Variants in WNK2 observed in about 807,000 individuals in gnomAD.
WNK2 encodes the protein WNK lysine deficient protein kinase 2, also known as serine/threonine-protein kinase WNK2.
In WNK2, 67 loss-of-function variants were observed where a neutral mutation model predicts 192.1. The observed-to-expected ratio is 0.35, with a 90% confidence interval of 0.29 to 0.43. WNK2 has a LOEUF of 0.43. Ranked by LOEUF, WNK2 falls within the 20% of genes least tolerant of loss-of-function variation. The pLI is 1.00. For synonymous variants in WNK2, 1,439 were observed against 1,393.9 expected (o/e 1.03, Z -0.72); for missense variants, 2,698 against 3,089.7 (o/e 0.87, Z 3.01).
rs1287848191 is a variant in WNK2 at position 93,257,368 on chromosome 9, G to A, written c.2382+229G>A. 6.6e-6 allele frequency among the ~76,000 whole-genome samples: 1 copy of A among 152,102 alleles called. No homozygotes were observed. Among genetic ancestry groups the A allele is most frequent in the Non-Finnish European group, 1.5e-5 (1 of 68,004 alleles). ...CACACAACCAGCCACTTGTCCCTTG[G>A]TGGCTGGCTTGGCTGCTGTCTCCTG... On this transcript the variant is annotated intron_variant, in intron 11 of 29. Coordinates refer to ENST00000427277, the MANE Select transcript of WNK2 (RefSeq NM_006648.4). The surrounding 1 kb of genome is among the most constrained non-coding windows in gnomAD (Gnocchi z 4.7).
rs1849550804 is a variant in WNK2, at chr9:93,292,687, C to T, written c.5222C>T (p.Pro1741Leu). The T allele has an allele frequency of 6.4e-7, 1 of 1,572,600 alleles. No homozygotes were observed. Among genetic ancestry groups the T allele is most frequent in the Non-Finnish European group, 8.6e-7 (1 of 1,160,568 alleles). The change falls in exon 23 of 30, where the codon CCA (proline) becomes CTA (leucine). Residue 1741 changes from proline (P) to leucine (L), a missense_variant. Physicochemically the swap from Pro to Leu is moderately conservative, Grantham distance 98 (BLOSUM62 -3). Transcript: ENST00000427277. ...CCAGAGCAGCAGGATGTCAGCTCAC[C>T]AGCCAAGACTGTGGGCCGTTTCTCG... ...KRPEQQDVSS[P>L]AKTVGRFSVV...
rs142051806 is a variant in WNK2 at position 93,262,004 on chromosome 9, A to C, written c.3257A>C (p.Gln1086Pro). 3.7e-6 allele frequency: 6 copies of C among 1,611,662 alleles called. No homozygotes were observed. In the African/African-American group the frequency reaches 5.3e-5, roughly 14 times the overall value. ...GCCTCTGTGCAGAGTGTGCCCACCC[A>C]GACTGCCACACTTCTGCCACCAGCA... is the stretch of plus-strand genomic sequence containing the variant. ...VSASVQSVPT[Q>P]TATLLPPANP... is the part of the protein sequence containing the mutation. Residue 1086 changes from glutamine to proline, a missense_variant, in exon 13 of 30, where the codon CAG (glutamine) becomes CCG (proline). By Grantham distance (76) the Gln-to-Pro change is moderately conservative (BLOSUM62 -1). Transcript: ENST00000427277.
intron 12 of WNK2, among the ~76,000 whole-genome samples, chr9:93,260,801 C>G (rs902808771): frequency 6.6e-6 from 1 of 152,204 alleles, no homozygotes; most frequent in African/African-American, 2.4e-5. Flanking sequence ...CAGGTTTCAG[C>G]GGCAGCTCAG....
At chr9:93,278,857 A>G (rs1300152244) in intron 19 of WNK2, among the ~76,000 whole-genome samples, 1 of 152,242 alleles carries the variant, frequency 6.6e-6, no homozygotes, top group Non-Finnish European at 1.5e-5. Flanking sequence ...CACCATATTG[A>G]TCAACTAGAA....
intron 2 of WNK2, among the ~76,000 whole-genome samples, chr9:93,205,643 C>T (rs1329550963): frequency 2.6e-5 from 4 of 152,346 alleles, no homozygotes; most frequent in Non-Finnish European, 5.9e-5. Context: ...AGCCTCATCC[C>T]GTGGGGAGGT....
At chr9:93,280,537 A>G (rs937871585) in intron 19 of WNK2, among the ~76,000 whole-genome samples, 9 of 152,212 alleles carry the variant, frequency 5.9e-5, no homozygotes, top group Admixed American at 4.6e-4. Flanking sequence ...ACAGATGCCT[A>G]TACACTGCAA....
intron 26 of WNK2, 180 bp downstream of exon 26, chr9:93,300,329 A>G (rs1851375215): frequency 1.8e-6 from 1 of 544,858 alleles, no homozygotes; most frequent in African/African-American, 1.9e-5. Context: ...GGCGGCCGCC[A>G]GCGCCTACCC....
Position 93,292,359 on chromosome 9 carries a change from T to C in WNK2, c.4988T>C (p.Val1663Ala), listed in dbSNP as rs1849492364. Residue 1663 changes from valine to alanine, a missense_variant, in exon 22 of 30, where the codon GTG becomes GCG. By Grantham distance (64) the Val-to-Ala change is moderately conservative (BLOSUM62 0). Coordinates refer to ENST00000427277, the MANE Select transcript of WNK2 (RefSeq NM_006648.4). The stretch of plus-strand genomic sequence containing the variant: ...GGCTATGACAGAGATGGAAGGCAGG[T>C]GGCCTCAGACTCCCATGTGGTCCCC... ...MLGYDRDGRQVASDSHVVPSV... is the reference protein window; with the variant it reads ...MLGYDRDGRQAASDSHVVPSV... 4 of 1,613,920 alleles carry C rather than the reference T, an allele frequency of 2.5e-6. No homozygotes were observed. The highest frequency in any genetic ancestry group is 3.4e-6 in the Non-Finnish European group (4 of 1,179,888).
Position 93,293,076 on chromosome 9 carries a change from ACCT to A in WNK2, c.5615_5617del (p.Ser1872del), listed in dbSNP as rs1306178242. ...CATGAAGGTCCCCACGATCAGCGTGACCTCCTTCCATTCCCAGTCGTCCTACAT... is the reference window on the plus strand; with the variant it reads ...CATGAAGGTCCCCACGATCAGCGTGACCTTCCATTCCCAGTCGTCCTACAT... On this transcript the variant is annotated inframe_deletion, in exon 23 of 30. Coordinates refer to ENST00000427277, the MANE Select transcript of WNK2 (RefSeq NM_006648.4). 4.4e-6 allele frequency: 7 copies of A among 1,609,036 alleles called. No individual in the cohort carries two copies. The East Asian group carries it at 1.3e-4, about 31-fold the overall frequency.
At chr9:93,227,959 A>G (rs1838100437) in intron 2 of WNK2, among the ~76,000 whole-genome samples, 2 of 152,230 alleles carry the variant, frequency 1.3e-5, no homozygotes, top group Non-Finnish European at 1.5e-5. Flanking sequence ...GATAATTTGC[A>G]AGAGCTCTTT....
At chr9:93,305,281 C>T (rs999772078) in intron 26 of WNK2, among the ~76,000 whole-genome samples, 6 of 152,120 alleles carry the variant, frequency 3.9e-5, no homozygotes, top group East Asian at 1.9e-4. Flanking sequence ...CCCAGTGCCC[C>T]TACATATTGG....
Position 93,185,136 on chromosome 9 carries a change from G to GC in WNK2, c.211dup (p.Leu71ProfsTer86). The GC allele has an allele frequency of 7.7e-7, 1 of 1,303,940 alleles. No homozygotes were observed. Among genetic ancestry groups the GC allele is most frequent in the Non-Finnish European group, 9.8e-7 (1 of 1,020,028 alleles). 80.8% of individuals were successfully genotyped at this position (1,303,940 alleles called of 1,614,324 possible). ...AGGCGCCGGGCCCGCAGCCCCCGCA[G>GC]CCCCTGCAGCGCCGGGTGCTTCTGC... On this transcript the variant is annotated frameshift_variant, in exon 2 of 30. Transcript: ENST00000427277. LOFTEE classifies it high-confidence loss of function.
Position 93,257,865 on chromosome 9 carries a change from G to A in WNK2, c.2382+726G>A, listed in dbSNP as rs562888113. Among the ~76,000 whole-genome samples the A allele has an allele frequency of 5.3e-5, 8 of 152,322 alleles. No individual in the cohort carries two copies. Among genetic ancestry groups the A allele is most frequent in the Non-Finnish European group, 7.4e-5 (5 of 68,024 alleles). ...CATGTAACTGGTGCAGAATGTAGCC[G>A]GGGCCAGGGCACCATTGCCCAGGTA... On this transcript the variant is annotated intron_variant, in intron 11 of 29. Coordinates refer to ENST00000427277, the MANE Select transcript of WNK2 (RefSeq NM_006648.4). The surrounding 1 kb of genome is among the most constrained non-coding windows in gnomAD (Gnocchi z 4.7).
intron 28 of WNK2, among the ~76,000 whole-genome samples, chr9:93,311,609 T>TGTGTGTGTGTG (rs1554755193): frequency 9.8e-5 from 3 of 30,712 alleles, no homozygotes; most frequent in African/African-American, 1.6e-4. Flanking sequence ...CTGGGTTTTT[T>TGTGTGTGTGTG]TGTTTGTGTG....
intron 2 of WNK2, among the ~76,000 whole-genome samples, chr9:93,223,041 C>T (rs539859888): frequency 6.6e-6 from 1 of 152,176 alleles, no homozygotes; most frequent in African/African-American, 2.4e-5. Flanking sequence ...CCTGTCAATG[C>T]GGTTGTGTAT....
rs116383888 is a variant in WNK2, at chr9:93,221,489, C to G, written c.682-8207C>G. The stretch of plus-strand genomic sequence containing the variant: ...CAACATCCGCACACCAGAAGGTGGA[C>G]AGAACGATGCTGGGCCTGCCTCCTT... On this transcript the variant is annotated intron_variant, in intron 2 of 29. Transcript: ENST00000427277. 8.5e-3 allele frequency among the ~76,000 whole-genome samples: 1,300 copies of G among 152,334 alleles called. 17 individuals are homozygous for G. The highest frequency in any genetic ancestry group is 0.029 in the African/African-American group (1,211 of 41,572).
chr9:93,203,327 T>C (rs1035539919), intron 2 of WNK2, among the ~76,000 whole-genome samples: 16 of 152,050 alleles, frequency 1.1e-4, no homozygotes, highest in African/African-American at 3.4e-4. Flanking sequence ...GTTGGGGGCA[T>C]TGGTGGCGGG....
At position 93,268,820 on chromosome 9, in the gene WNK2, G is replaced by A. The variant is rs767861406; in HGVS notation, c.4033+74G>A. 28 of 1,579,958 alleles carry A rather than the reference G, an allele frequency of 1.8e-5. No individual in the cohort carries two copies. The African/African-American group carries it at 1.9e-4, about 11-fold the overall frequency. ...GCCTCCTTCTGTGCATGACCCAGCC[G>A]GTATGTGCCCCGTGCCCAGGTCCAT... On this transcript the variant is annotated intron_variant, in intron 19 of 29. Coordinates refer to ENST00000427277, the MANE Select transcript of WNK2 (RefSeq NM_006648.4).
chr9:93,245,309 C>G (rs1205220281), intron 7 of WNK2, among the ~76,000 whole-genome samples: 1 of 152,202 alleles, frequency 6.6e-6, no homozygotes, highest in Non-Finnish European at 1.5e-5. Flanking sequence ...AATCCTCAGG[C>G]CCATCCTCCT....
Sources: allele counts gnomAD v4.1 joint callset (sites outside exome capture counted in the v4.1 genomes callset), GRCh38; gene constraint gnomAD v4.1.1; non-coding constraint Gnocchi (gnomAD v3.1); transcripts MANE v1.5; gene names NCBI Gene and HGNC (gene_info 2026-07-23, HGNC 2026-07-21).